Variants in TMEM19 observed in about 807,000 individuals in gnomAD.
The protein encoded by TMEM19 is transmembrane protein 19.
Under a neutral mutation model 33.6 loss-of-function variants are expected in TMEM19, and 21 were observed. The ratio of observed to expected loss-of-function variants is 0.62; its 90% CI spans 0.44 to 0.90. The LOEUF is 0.90. Ranked by LOEUF, TMEM19 falls within the 40% of genes least tolerant of loss-of-function variation. The pLI is 0.00. For synonymous variants in TMEM19, 149 were observed against 147.5 expected (o/e 1.01, Z -0.07); for missense variants, 402 against 401.8 (o/e 1.00, Z 0.00).
Position 71,700,857 on chromosome 12 carries a change from G to A in TMEM19, c.873G>A (p.Val291=), listed in dbSNP as rs1235448049. 6 of 1,610,084 alleles carry A rather than the reference G, an allele frequency of 3.7e-6. No homozygotes were observed. The highest frequency in any genetic ancestry group is 5.1e-6 in the Non-Finnish European group (6 of 1,177,974). ...YTGLDESTGM[V]VNSPTNKARH... ...GGTTGGATGAAAGCACTGGCATGGT[G>A]GTCAACAGCCCAACAAATAAGGCAA... The change falls in exon 6 of 6, where the codon GTG becomes GTA. Residue 291 remains valine (V), a synonymous_variant. Coordinates refer to ENST00000266673, the MANE Select transcript of TMEM19 (RefSeq NM_018279.4).
Position 71,696,485 on chromosome 12 carries a change from C to T in TMEM19, c.294C>T (p.Thr98=). ...ILTIANFSFF[T]SLLMFFLSSS... ...CCATTGCAAATTTCAGCTTTTTTAC[C>T]TCTTTGCTGATGTTTTTCTTGTCTT... Residue 98 remains threonine, a synonymous_variant, in exon 3 of 6, where the codon ACC becomes ACT. Transcript: ENST00000266673. 1.9e-6 allele frequency: 3 copies of T among 1,611,756 alleles called. No homozygotes were observed. Among genetic ancestry groups the T allele is most frequent in the Non-Finnish European group, 2.5e-6 (3 of 1,178,688 alleles).
At chr12:71,687,015 C>A (rs1881702560) in intron 1 of TMEM19, among the ~76,000 whole-genome samples, 1 of 149,312 alleles carries the variant, frequency 6.7e-6, no homozygotes, top group Admixed American at 6.7e-5. Context: ...CGAGTTATAC[C>A]TATTTCTTTT....
rs973564211 is a variant in TMEM19, at chr12:71,703,157, A to G, written c.*2162A>G. 2.9e-5 allele frequency: 4 copies of G among 140,050 alleles called. No individual in the cohort carries two copies. The highest frequency in any genetic ancestry group is 7.5e-5 in the Admixed American group (1 of 13,340). 8.7% of individuals were successfully genotyped at this position (140,050 alleles called of 1,614,324 possible). ...GCACCACTGTACTCCAGCCTGGGCA[A>G]CAGAGGGAGACTCCATCTAGACTCC... On this transcript the variant is annotated 3_prime_UTR_variant, in exon 6 of 6. Transcript: ENST00000266673.
chr12:71,694,976 A>G (rs1020708402), intron 2 of TMEM19, among the ~76,000 whole-genome samples: 59 of 152,288 alleles, frequency 3.9e-4, no homozygotes, highest in African/African-American at 1.4e-3. Context: ...TCTGTTAGGT[A>G]CAGAATTTAC....
At position 71,691,560 on chromosome 12, in the gene TMEM19, G is replaced by A. The variant is rs1443959279; in HGVS notation, c.244+1856G>A. 3.7e-5 allele frequency among the ~76,000 whole-genome samples: 5 copies of A among 135,672 alleles called. No individual in the cohort carries two copies. In the South Asian group the frequency reaches 1.2e-3, roughly 33 times the overall value. 89.0% of individuals were successfully genotyped at this position (135,672 alleles called of 152,430 possible). A position where few individuals can be genotyped will look rare whatever the true frequency, so the allele number is the denominator to read the frequency against. ...AAGGCAGAAGGATCACTCGAGTCCA[G>A]GAGTTTGAGACCAGCCTGGACAGCA... On this transcript the variant is annotated intron_variant, in intron 2 of 5. Coordinates refer to ENST00000266673, the MANE Select transcript of TMEM19 (RefSeq NM_018279.4).
chr12:71,704,073 C>G lies in TMEM19; in HGVS notation c.*3078C>G. 2.4e-6 allele frequency: 1 copy of G among 422,854 alleles called. No individual in the cohort carries two copies. The highest frequency in any genetic ancestry group is 4.9e-6 in the Non-Finnish European group (1 of 205,864). 26.2% of individuals were successfully genotyped at this position (422,854 alleles called of 1,614,324 possible). A position where few individuals can be genotyped will look rare whatever the true frequency, so the allele number is the denominator to read the frequency against. On this transcript the variant is annotated 3_prime_UTR_variant, in exon 6 of 6. Transcript: ENST00000266673. ...CTAGCAGCATAAAGGTGTACTGTTT[C>G]TTATCATACTGTTCCATGATAGAAG...
chr12:71,699,441 AT>A (rs1881938098), intron 5 of TMEM19: 3 of 444,888 alleles, frequency 6.7e-6, no homozygotes, highest in Non-Finnish European at 1.2e-5. Flanking sequence ...CCTTCCATTC[AT>A]TTTCCTATTC....
chr12:71,694,016 A>C (rs1233683647), intron 2 of TMEM19, among the ~76,000 whole-genome samples: 1 of 152,190 alleles, frequency 6.6e-6, no homozygotes, highest in Non-Finnish European at 1.5e-5. Context: ...AGACTAATAC[A>C]CACAGTTATA....
intron 2 of TMEM19, among the ~76,000 whole-genome samples, chr12:71,696,018 T>A (rs933383639): frequency 7.2e-5 from 11 of 152,084 alleles, no homozygotes; most frequent in Non-Finnish European, 1.6e-4. Flanking sequence ...ATGGAAAGGG[T>A]TATTATAGAA....
chr12:71,697,257 C>G, intron 3 of TMEM19, 23 bp from the exon 4 acceptor site: 2 of 1,568,980 alleles, frequency 1.3e-6, no homozygotes, highest in Non-Finnish European at 1.7e-6. Context: ...ATTTGTTTGT[C>G]CTTTTCATCT....
chr12:71,686,961 G>A, intron 1 of TMEM19, 151 bp downstream of exon 1: 1 of 676,830 alleles, frequency 1.5e-6, no homozygotes, highest in South Asian at 2.5e-5. Context: ...TTACTAACAT[G>A]ATAGTATAAA....
intron 2 of TMEM19, 90 bp from the exon 3 acceptor site, chr12:71,696,346 A>G (rs1881870133): frequency 2.6e-6 from 3 of 1,174,238 alleles, no homozygotes; most frequent in Non-Finnish European, 2.3e-6. Context: ...TCAGGTTATA[A>G]TATAAAAATA....
intron 2 of TMEM19, among the ~76,000 whole-genome samples, chr12:71,692,092 T>A (rs1392738594): frequency 6.6e-6 from 1 of 152,228 alleles, no homozygotes; most frequent in Non-Finnish European, 1.5e-5. Flanking sequence ...TATGGACTTA[T>A]TGGTAAATCT....
chr12:71,699,003 T>C lies in TMEM19; in HGVS notation c.741T>C (p.Asp247=). Residue 247 remains aspartate, a synonymous_variant, in exon 5 of 6, where the codon GAT becomes GAC. Transcript: ENST00000266673. ...TCACACAGCTGATTTTTGTGAATGA[T>C]TTAGACATTTCTGCCCCGCAGTGGC... ...YFLTQLIFVN[D]LDISAPQWPI... The C allele has an allele frequency of 1.9e-6, 3 of 1,614,154 alleles. No homozygotes were observed. Among genetic ancestry groups the C allele is most frequent in the Admixed American group, 1.7e-5 (1 of 60,012 alleles).
At chr12:71,694,141 C>T (rs576886613) in intron 2 of TMEM19, among the ~76,000 whole-genome samples, 3 of 152,204 alleles carry the variant, frequency 2.0e-5, no homozygotes, top group East Asian at 1.9e-4. Context: ...AAACATATAC[C>T]TCAGTGTTAA....
In TMEM19 at chr12:71,699,053, C is replaced by T; in HGVS notation, c.791C>T (p.Ala264Val). The change falls in exon 5 of 6, where the codon GCT becomes GTT. Residue 264 changes from alanine (A) to valine (V), a missense_variant. Transcript: ENST00000266673. ...QWPIIAFGGL[A>V]GLLGSIVDSY... ...CCAATTATTGCATTTGGTGGTTTAGCTGGATTACTAGGATCAATTGTGGAC... is the reference window on the plus strand; with the variant it reads ...CCAATTATTGCATTTGGTGGTTTAGTTGGATTACTAGGATCAATTGTGGAC... 6 of 1,614,126 alleles carry T rather than the reference C, an allele frequency of 3.7e-6. No homozygotes were observed. The highest frequency in any genetic ancestry group is 4.2e-6 in the Non-Finnish European group (5 of 1,180,036).
chr12:71,689,127 A>G (rs1427911786), intron 1 of TMEM19, among the ~76,000 whole-genome samples: 1 of 152,232 alleles, frequency 6.6e-6, no homozygotes, highest in African/African-American at 2.4e-5. Flanking sequence ...CAACATAAAT[A>G]CAGTCATGCT....
At position 71,701,282 on chromosome 12, in the gene TMEM19, A is replaced by G; in HGVS notation, c.*287A>G. ...CTACATATTACTATATATTGAACTG[A>G]AAGTTCTTACATAATCAATGTCAAG... On this transcript the variant is annotated 3_prime_UTR_variant, in exon 6 of 6. Coordinates refer to ENST00000266673, the MANE Select transcript of TMEM19 (RefSeq NM_018279.4). The G allele has an allele frequency of 4.6e-6, 1 of 218,516 alleles. No homozygotes were observed. The highest frequency in any genetic ancestry group is 8.9e-6 in the Non-Finnish European group (1 of 111,788). 13.5% of individuals were successfully genotyped at this position (218,516 alleles called of 1,614,324 possible). A position where few individuals can be genotyped will look rare whatever the true frequency, so the allele number is the denominator to read the frequency against.
chr12:71,688,626 C>T (rs1881732397), intron 1 of TMEM19, among the ~76,000 whole-genome samples: 1 of 152,150 alleles, frequency 6.6e-6, no homozygotes, highest in South Asian at 2.1e-4. Context: ...AGGAGCCTAT[C>T]AGGAGGGGTG....
Sources: allele counts gnomAD v4.1 joint callset (sites outside exome capture counted in the v4.1 genomes callset), GRCh38; gene constraint gnomAD v4.1.1; transcripts MANE v1.5; gene names NCBI Gene and HGNC (gene_info 2026-07-23, HGNC 2026-07-21).